Variants in RBM44 observed in about 807,000 individuals in gnomAD.
RBM44 encodes RNA-binding protein 44.
A neutral mutation model predicts 105.1 loss-of-function variants in RBM44; 66 were observed. The ratio of observed to expected loss-of-function variants is 0.63; its 90% confidence interval spans 0.52 to 0.77. RBM44 has a LOEUF of 0.77. Ranked by LOEUF, RBM44 falls within the 30% of genes least tolerant of loss-of-function variation. The pLI, the probability that RBM44 is intolerant of heterozygous loss-of-function variation, is 0.00. For missense variants in RBM44, 1,122 were observed against 1,207.8 expected (o/e 0.93, Z 1.05); for synonymous variants, 365 against 417.6 (o/e 0.87, Z 1.54).
chr2:237,839,932 C>T (rs879785953), intron 15 of RBM44, among the ~76,000 whole-genome samples: 6 of 152,066 alleles, frequency 3.9e-5, no homozygotes, highest in African/African-American at 1.2e-4. Flanking sequence ...GGGTGGCTCA[C>T]GCCAGTAATC....
rs771389079 is a variant in RBM44 at position 237,823,477 on chromosome 2, A to T, written c.2243A>T (p.Asn748Ile). The change falls in exon 9 of 16, where the codon AAC becomes ATC. Residue 748 changes from asparagine (N) to isoleucine (I), a missense_variant. Physicochemically the swap from Asn to Ile is moderately radical, Grantham distance 149. Coordinates refer to ENST00000316997, the MANE Select transcript of RBM44 (RefSeq NM_001080504.3). ...LSSDNSHATQ[N>I]ISPKKDDFKN... ...TCTGACAATAGTCATGCTACACAAA[A>T]CATATCACCCAAGAAAGATGACTTT... is the stretch of plus-strand genomic sequence containing the variant. 14 of 1,537,754 alleles carry T rather than the reference A, an allele frequency of 9.1e-6. No homozygotes were observed. Among genetic ancestry groups the T allele is most frequent in the Middle Eastern group, 1.7e-4 (1 of 5,926 alleles).
chr2:237,828,591 C>T (rs2061872286), intron 12 of RBM44, among the ~76,000 whole-genome samples: 1 of 152,058 alleles, frequency 6.6e-6, no homozygotes, highest in Non-Finnish European at 1.5e-5. Flanking sequence ...TCCATAGTCC[C>T]ATCATTTGAA....
intron 12 of RBM44, among the ~76,000 whole-genome samples, chr2:237,828,620 G>A (rs1349121320): frequency 6.6e-6 from 1 of 152,080 alleles, no homozygotes; most frequent in Non-Finnish European, 1.5e-5. Flanking sequence ...CTCTTCCCGG[G>A]ATTTGGTATA....
At chr2:237,801,668 T>C (rs1228182460) in intron 1 of RBM44, among the ~76,000 whole-genome samples, 1 of 152,228 alleles carries the variant, frequency 6.6e-6, no homozygotes, top group African/African-American at 2.4e-5. Context: ...AGTTATCTTA[T>C]AATCTAAGAA....
chr2:237,807,760 A>G (rs568312271), intron 1 of RBM44, among the ~76,000 whole-genome samples: 2 of 152,282 alleles, frequency 1.3e-5, no homozygotes, highest in South Asian at 2.1e-4. Flanking sequence ...GTGCCTTACA[A>G]TTAAAGTAAA....
At chr2:237,810,675 G>A (rs543606825) in intron 1 of RBM44, among the ~76,000 whole-genome samples, 7 of 152,318 alleles carry the variant, frequency 4.6e-5, no homozygotes, top group Admixed American at 4.6e-4. Context: ...CCTCCCTGAA[G>A]AAGATAGGGC....
At position 237,842,759 on chromosome 2, in the gene RBM44, C is replaced by T. The variant is rs2062023992; in HGVS notation, c.*943C>T. On this transcript the variant is annotated 3_prime_UTR_variant, in exon 16 of 16. Transcript: ENST00000316997. ...ACTTGACTAAAAATTAGCCCTTTAA[C>T]GTTTATATTTGTTGTATTTATATTT... The T allele has an allele frequency of 6.6e-6, 1 of 151,916 alleles. No individual in the cohort carries two copies. The highest frequency in any genetic ancestry group is 2.1e-4 in the South Asian group (1 of 4,822). The allele number at this position is 151,916 out of a possible 1,614,324, so 9.4% of individuals were successfully genotyped here.
In RBM44 at chr2:237,809,656, G is replaced by A. The variant is rs549320076; in HGVS notation, c.-18-3936G>A. On this transcript the variant is annotated intron_variant, in intron 1 of 15. Transcript: ENST00000316997. ...GCCTGTTTCTATATTCAAGCAGTAG[G>A]TAATTACATTCAAGTTCATAGATTT... Among the ~76,000 whole-genome samples the A allele has an allele frequency of 2.0e-5, 3 of 152,230 alleles. No homozygotes were observed. The South Asian group carries it at 6.2e-4, about 32-fold the overall frequency.
intron 1 of RBM44, among the ~76,000 whole-genome samples, chr2:237,799,874 A>G (rs73086743): frequency 6.6e-6 from 1 of 152,118 alleles, no homozygotes; most frequent in African/African-American, 2.4e-5. Flanking sequence ...GACCTCAGGG[A>G]TAAGGGAGGT....
chr2:237,818,067 C>G lies in RBM44; in HGVS notation c.1148C>G (p.Ser383Cys), dbSNP rs1360199944. 3 of 1,612,934 alleles carry G rather than the reference C, an allele frequency of 1.9e-6. No individual in the cohort carries two copies. The highest frequency in any genetic ancestry group is 2.2e-5 in the South Asian group (2 of 91,024). The change falls in exon 3 of 16, where the codon TCT (serine) becomes TGT (cysteine). Residue 383 changes from serine to cysteine, a missense_variant. By Grantham distance (112) the Ser-to-Cys change is moderately radical (BLOSUM62 -1). Transcript: ENST00000316997. This position sits in a 1 kb window ranked among gnomAD's most constrained non-coding sequence, Gnocchi z 4.6. The part of the protein sequence containing the change: ...PCKDCQTSWT[S>C]VFDDSIISAC... ...AAAGATTGTCAAACTTCCTGGACCTCTGTTTTTGATGATTCGATAATTTCT... is the reference window on the plus strand; with the variant it reads ...AAAGATTGTCAAACTTCCTGGACCTGTGTTTTTGATGATTCGATAATTTCT...
rs781699216 is a variant in RBM44, at chr2:237,824,384, T to C, written c.2414T>C (p.Val805Ala). The C allele has an allele frequency of 2.5e-6, 4 of 1,612,722 alleles. No individual in the cohort carries two copies. Among genetic ancestry groups the C allele is most frequent in the East Asian group, 4.5e-5 (2 of 44,844 alleles). ...GTCTCAGGGACACAGGGAAATCAAG[T>C]AGAACAAGACACATGGAATTTGGAT... is the stretch of plus-strand genomic sequence containing the variant. The part of the protein sequence containing the change: ...VDVSGTQGNQ[V>A]EQDTWNLDLT... Residue 805 changes from valine to alanine, a missense_variant, in exon 10 of 16, where the codon GTA becomes GCA. By Grantham distance (64) the Val-to-Ala change is moderately conservative. Coordinates refer to ENST00000316997, the MANE Select transcript of RBM44 (RefSeq NM_001080504.3).
chr2:237,836,113 G>C (rs1375082592), intron 15 of RBM44, among the ~76,000 whole-genome samples: 2 of 152,154 alleles, frequency 1.3e-5, no homozygotes, highest in East Asian at 1.9e-4. Flanking sequence ...TCAATTCCTA[G>C]CTTCAAAGGA....
intron 5 of RBM44, 61 bp downstream of exon 5, chr2:237,820,412 C>A (rs2150980364): frequency 2.0e-6 from 2 of 1,018,572 alleles, no homozygotes; most frequent in East Asian, 2.8e-5. Flanking sequence ...TAAGTTTATT[C>A]TAGAGAGTTT....
chr2:237,823,582 T>C, intron 9 of RBM44, 28 bp downstream of exon 9: 1 of 1,014,600 alleles, frequency 9.9e-7, no homozygotes, highest in Non-Finnish European at 1.5e-6. Flanking sequence ...TTATCTTGTA[T>C]AGTTGCTGGA....
At chr2:237,801,033 T>A (rs890765428) in intron 1 of RBM44, among the ~76,000 whole-genome samples, 1 of 152,210 alleles carries the variant, frequency 6.6e-6, no homozygotes. Context: ...TTCTCAATAC[T>A]TTTTAAGAAT....
chr2:237,838,014 C>T (rs2061976923), intron 15 of RBM44, among the ~76,000 whole-genome samples: 1 of 143,962 alleles, frequency 6.9e-6, no homozygotes, highest in Admixed American at 6.9e-5. Context: ...CATACAGAAT[C>T]TCAAGCTACA....
At chr2:237,825,332 C>T (rs963835588) in intron 10 of RBM44, among the ~76,000 whole-genome samples, 5 of 151,914 alleles carry the variant, frequency 3.3e-5, no homozygotes, top group Non-Finnish European at 5.9e-5. Context: ...AAGTGATTCT[C>T]CTGCCTCAGC....
chr2:237,825,722 G>A (rs1449427468), intron 10 of RBM44, among the ~76,000 whole-genome samples: 1 of 152,078 alleles, frequency 6.6e-6, no homozygotes, highest in African/African-American at 2.4e-5. Context: ...TAGCTATTTT[G>A]TGTTGAAGTA....
intron 1 of RBM44, among the ~76,000 whole-genome samples, chr2:237,800,450 C>T (rs954144272): frequency 6.6e-6 from 1 of 152,176 alleles, no homozygotes; most frequent in Non-Finnish European, 1.5e-5. Flanking sequence ...TGGGTGTCTT[C>T]ATATTTAAGA....
Sources: allele counts gnomAD v4.1 joint callset (sites outside exome capture counted in the v4.1 genomes callset), GRCh38; gene constraint gnomAD v4.1.1; non-coding constraint Gnocchi (gnomAD v3.1); transcripts MANE v1.5; gene names NCBI Gene and HGNC (gene_info 2026-07-23, HGNC 2026-07-21).